GRM3: variants seen among roughly 807,000 people sequenced by gnomAD.
The protein encoded by GRM3 is metabotropic glutamate receptor 3.
GRM3 carries 26 observed loss-of-function variants against 70.5 expected under a neutral mutation model. The ratio of observed to expected loss-of-function variants is 0.37; its 90% CI spans 0.27 to 0.51. The LOEUF (loss-of-function observed/expected upper bound fraction) is 0.51. Ranked by LOEUF, GRM3 falls within the 20% of genes least tolerant of loss-of-function variation. The pLI, the probability that GRM3 is intolerant of heterozygous loss-of-function variation, is 0.93. For missense variants in GRM3, 859 were observed against 1,123.8 expected (o/e 0.76, Z 3.37); for synonymous variants, 443 against 434.9 (o/e 1.02, Z -0.23).
chr7:86,753,941 GA>G (rs1796287445), intron 1 of GRM3, among the ~76,000 whole-genome samples: 1 of 152,080 alleles, frequency 6.6e-6, no homozygotes, highest in Admixed American at 6.6e-5. Flanking sequence ...CTTGGGAAGA[GA>G]TATGTGTAAT....
In GRM3 at chr7:86,789,939, G is replaced by T. The variant is rs150211499; in HGVS notation, c.1324+2823G>T. On this transcript the variant is annotated intron_variant, in intron 3 of 5. Transcript: ENST00000361669. The stretch of plus-strand genomic sequence containing the variant: ...ATTTTTAGAGCTATGCCTTGCTAAA[G>T]ATTCTTCCAAATAGTAATCTCTCCT... Among the ~76,000 whole-genome samples, 272 of 152,292 alleles carry T rather than the reference G, an allele frequency of 1.8e-3. 2 individuals are homozygous for T. The highest frequency in any genetic ancestry group is 6.2e-3 in the African/African-American group (256 of 41,568).
intron 2 of GRM3, among the ~76,000 whole-genome samples, chr7:86,781,879 C>T (rs574133322): frequency 5.3e-5 from 8 of 152,182 alleles, no homozygotes; most frequent in African/African-American, 1.9e-4. Context: ...GTACGTTTAA[C>T]TGTATTATCC....
chr7:86,788,890 T>C (rs533715666), intron 3 of GRM3, among the ~76,000 whole-genome samples: 1 of 152,226 alleles, frequency 6.6e-6, no homozygotes, highest in Non-Finnish European at 1.5e-5. Context: ...TATACAAATA[T>C]ATTCACTCAT....
At chr7:86,651,240 CT>C (rs1793598175) in intron 1 of GRM3, among the ~76,000 whole-genome samples, 2 of 152,296 alleles carry the variant, frequency 1.3e-5, no homozygotes, top group South Asian at 4.1e-4. Flanking sequence ...CAAATCTTTA[CT>C]TGAGGGTCTT....
At chr7:86,758,543 A>G (rs1478983625) in intron 1 of GRM3, among the ~76,000 whole-genome samples, 1 of 152,152 alleles carries the variant, frequency 6.6e-6, no homozygotes, top group Non-Finnish European at 1.5e-5. Flanking sequence ...CATACCATGA[A>G]AATACTGTGC....
chr7:86,733,388 G>T (rs1795783745), intron 1 of GRM3, among the ~76,000 whole-genome samples: 1 of 151,970 alleles, frequency 6.6e-6, no homozygotes, highest in African/African-American at 2.4e-5. Context: ...ACAAAAGAAG[G>T]GCTGAGCTTA....
Position 86,787,073 on chromosome 7 carries a change from G to T in GRM3, c.1281G>T (p.Gly427=), listed in dbSNP as rs767011925. 5 of 1,611,464 alleles carry T rather than the reference G, an allele frequency of 3.1e-6. No homozygotes were observed. The highest frequency in any genetic ancestry group is 4.2e-6 in the Non-Finnish European group (5 of 1,178,626). ...GTGATGCTATGAAGATCCTGGATGGGAAGAAGTTGTACAAGGATTACTTGC... is the reference window on the plus strand; with the variant it reads ...GTGATGCTATGAAGATCCTGGATGGTAAGAAGTTGTACAAGGATTACTTGC... ...KLCDAMKILD[G]KKLYKDYLLK... is the part of the protein sequence containing the mutation. The change falls in exon 3 of 6, where the codon GGG becomes GGT. Residue 427 remains glycine, a synonymous_variant. Transcript: ENST00000361669.
intron 1 of GRM3, among the ~76,000 whole-genome samples, chr7:86,740,807 C>A (rs144576227): frequency 6.6e-6 from 1 of 152,236 alleles, no homozygotes; most frequent in African/African-American, 2.4e-5. Context: ...ACAAAACCTG[C>A]GTTGGTTGGT....
chr7:86,696,005 C>G (rs1171956748), intron 1 of GRM3, among the ~76,000 whole-genome samples: 2 of 152,170 alleles, frequency 1.3e-5, no homozygotes, highest in Non-Finnish European at 2.9e-5. Flanking sequence ...GGAGTTCATT[C>G]ACTTTGTTTC....
At chr7:86,790,646 C>T (rs898797565) in intron 3 of GRM3, among the ~76,000 whole-genome samples, 1 of 152,130 alleles carries the variant, frequency 6.6e-6, no homozygotes, top group Non-Finnish European at 1.5e-5. Context: ...GACTGCTCTC[C>T]TGTCCTCACC....
At chr7:86,666,230 CT>C (rs1451619253) in intron 1 of GRM3, among the ~76,000 whole-genome samples, 1 of 151,978 alleles carries the variant, frequency 6.6e-6, no homozygotes, top group Non-Finnish European at 1.5e-5. Flanking sequence ...TTGTATCTCA[CT>C]ACAGAAAATG....
At chr7:86,669,666 T>C (rs1794121715) in intron 1 of GRM3, among the ~76,000 whole-genome samples, 1 of 152,198 alleles carries the variant, frequency 6.6e-6, no homozygotes, top group Admixed American at 6.5e-5. Flanking sequence ...CAACAAGTAT[T>C]TTCTCTTATA....
intron 5 of GRM3, among the ~76,000 whole-genome samples, chr7:86,851,898 G>A (rs1007455683): frequency 6.6e-6 from 1 of 152,170 alleles, no homozygotes; most frequent in African/African-American, 2.4e-5. Flanking sequence ...CCAGCCCAGA[G>A]AGAACTGTCA....
chr7:86,710,448 T>C (rs1029768146), intron 1 of GRM3, among the ~76,000 whole-genome samples: 4 of 148,560 alleles, frequency 2.7e-5, no homozygotes, highest in African/African-American at 5.2e-5. Flanking sequence ...GGAAAGCAGA[T>C]AGCCCAGGAA....
At chr7:86,713,619 G>C (rs573764483) in intron 1 of GRM3, among the ~76,000 whole-genome samples, 1 of 152,054 alleles carries the variant, frequency 6.6e-6, no homozygotes, top group African/African-American at 2.4e-5. Context: ...CTTAGAGCTT[G>C]TTTCCCTGTT....
intron 3 of GRM3, among the ~76,000 whole-genome samples, chr7:86,801,407 A>G (rs1797680699): frequency 6.6e-6 from 1 of 152,120 alleles, no homozygotes. Flanking sequence ...CTTCATGATA[A>G]AGCAAAGACA....
intron 1 of GRM3, among the ~76,000 whole-genome samples, chr7:86,684,884 T>A (rs1354034830): frequency 6.6e-6 from 1 of 152,206 alleles, no homozygotes; most frequent in African/African-American, 2.4e-5. Context: ...GCCTCAGTTT[T>A]CTCATCTGTT....
chr7:86,676,228 A>T (rs78165584), intron 1 of GRM3, among the ~76,000 whole-genome samples: 5,109 of 152,106 alleles, frequency 0.034, 283 homozygotes, highest in African/African-American at 0.12. Flanking sequence ...TTCTGGCAAG[A>T]GATGAAGTAC....
At chr7:86,707,237 ATTAAT>A (rs1795081158) in intron 1 of GRM3, among the ~76,000 whole-genome samples, 1 of 152,024 alleles carries the variant, frequency 6.6e-6, no homozygotes, top group African/African-American at 2.4e-5. Context: ...TGTGATATAT[ATTAAT>A]TTTATTCTGT....
Sources: allele counts gnomAD v4.1 joint callset (sites outside exome capture counted in the v4.1 genomes callset), GRCh38; gene constraint gnomAD v4.1.1; transcripts MANE v1.5; gene names NCBI Gene and HGNC (gene_info 2026-07-23, HGNC 2026-07-21).